CA9: variants seen among roughly 807,000 people sequenced by gnomAD.
CA9 encodes CA-IX.
In CA9, 43 loss-of-function variants were observed where a neutral mutation model predicts 51.8. The ratio of observed to expected loss-of-function variants is 0.83; its 90% confidence interval spans 0.65 to 1.07. The LOEUF (loss-of-function observed/expected upper bound fraction) is 1.07. Ranked by LOEUF, CA9 falls within the 50% of genes least tolerant of loss-of-function variation. The probability of loss-of-function intolerance (pLI) is 0.00; values close to 1 mark genes in which losing one functional copy is unlikely to be tolerated. For missense variants in CA9, 574 were observed against 581.4 expected (o/e 0.99, Z 0.13); for synonymous variants, 253 against 244.2 (o/e 1.04, Z -0.34).
chr9:35,675,370 T>A, intron 1 of CA9, 168 bp from the exon 2 acceptor site: 1 of 683,300 alleles, frequency 1.5e-6, no homozygotes, highest in Non-Finnish European at 2.6e-6. Context: ...CCCACCCAGC[T>A]GCGGTGTTGA....
Position 35,680,978 on chromosome 9 carries a change from G to A in CA9, c.1333G>A (p.Gly445Arg). Residue 445 changes from glycine (G) to arginine (R), a missense_variant, in exon 11 of 11, where the codon GGG becomes AGG. By Grantham distance (125) the Gly-to-Arg change is moderately radical. Coordinates refer to ENST00000378357, the MANE Select transcript of CA9 (RefSeq NM_001216.3). Reference sequence around the variant, plus strand: ...GTGTACACACAGAAGGGGAACCAAAGGGGGTGTGAGCTACCGCCCAGCAGA... The same window carrying A: ...GTGTACACACAGAAGGGGAACCAAAAGGGGTGTGAGCTACCGCCCAGCAGA... ...MRRQHRRGTK[G>R]GVSYRPAEVA... 1 of 1,614,076 alleles carries A rather than the reference G, an allele frequency of 6.2e-7. No homozygotes were observed. The highest frequency in any genetic ancestry group is 2.2e-5 in the East Asian group (1 of 44,892).
At chr9:35,679,143 G>A in intron 6 of CA9, 42 bp from the exon 7 acceptor site, 2 of 1,610,010 alleles carry the variant, frequency 1.2e-6, no homozygotes, top group South Asian at 1.1e-5. Flanking sequence ...GCTTTAAGGG[G>A]GTGCAATGTA....
At chr9:35,674,499 C>A (rs1279023331) in intron 1 of CA9, 137 bp downstream of exon 1, 11 of 709,266 alleles carry the variant, frequency 1.6e-5, no homozygotes, top group Non-Finnish European at 2.1e-5. Flanking sequence ...AGGTCCCATA[C>A]CAATATCCCC....
intron 5 of CA9, 81 bp from the exon 6 acceptor site, chr9:35,677,709 T>C (rs1824452095): frequency 9.3e-7 from 1 of 1,077,524 alleles, no homozygotes; most frequent in Non-Finnish European, 1.4e-6. Context: ...GAGAGGTCTA[T>C]GGGAACCCCC....
At position 35,677,861 on chromosome 9, in the gene CA9, G is replaced by C; in HGVS notation, c.907+5G>C. ...TGGAAGAAATCGCTGAGGAAGGTCA[G>C]TTTGTTGGTCTGGCCACTAATCTCT... On this transcript the variant is annotated splice_donor_5th_base_variant and intron_variant, in intron 6 of 10. Transcript: ENST00000378357. The C allele has an allele frequency of 6.2e-7, 1 of 1,613,604 alleles. No individual in the cohort carries two copies. The highest frequency in any genetic ancestry group is 1.1e-5 in the South Asian group (1 of 91,080).
In CA9 at chr9:35,676,193, G is replaced by A; in HGVS notation, c.734G>A (p.Arg245His). 2 of 1,611,926 alleles carry A rather than the reference G, an allele frequency of 1.2e-6. No homozygotes were observed. The highest frequency in any genetic ancestry group is 1.7e-4 in the Middle Eastern group (1 of 6,050). The stretch of plus-strand genomic sequence containing the variant: ...TCGGAGCACACTGTGGAAGGCCACC[G>A]TTTCCCTGCCGAGGTGAGCGCGGAG... ...PGSEHTVEGHRFPAEIHVVHL... is the reference protein window; with the variant it reads ...PGSEHTVEGHHFPAEIHVVHL... Residue 245 changes from arginine to histidine, a missense_variant, in exon 4 of 11, where the codon CGT (arginine) becomes CAT (histidine). Physicochemically the swap from Arg to His is conservative, Grantham distance 29. Coordinates refer to ENST00000378357, the MANE Select transcript of CA9 (RefSeq NM_001216.3).
chr9:35,677,474 A>G (rs1477324026), intron 5 of CA9, among the ~76,000 whole-genome samples: 1 of 145,718 alleles, frequency 6.9e-6, no homozygotes, highest in African/African-American at 2.5e-5. Flanking sequence ...CTGAGAGCCT[A>G]GTATCCTAAG....
In CA9 at chr9:35,674,004, G is replaced by A. The variant is rs974651488; in HGVS notation, c.45G>A (p.Pro15=). The change falls in exon 1 of 11, where the codon CCG becomes CCA. Residue 15 remains proline (P), a synonymous_variant. Transcript: ENST00000378357. ...CPSPWLPLLI[P]APAPGLTVQL... is the part of the protein sequence containing the mutation. ...GCCCCTGGCTCCCTCTGTTGATCCC[G>A]GCCCCTGCTCCAGGCCTCACTGTGC... is the stretch of plus-strand genomic sequence containing the variant. The A allele has an allele frequency of 1.7e-5, 28 of 1,612,250 alleles. No homozygotes were observed. The highest frequency in any genetic ancestry group is 4.0e-5 in the African/African-American group (3 of 74,906).
chr9:35,679,383 A>T (rs1478587510), intron 7 of CA9, 41 bp downstream of exon 7: 1 of 1,578,458 alleles, frequency 6.3e-7, no homozygotes, highest in Admixed American at 1.9e-5. Flanking sequence ...GTGCGGGGGA[A>T]AGAGGATGTA....
chr9:35,675,213 C>G (rs1824392671), intron 1 of CA9: 3 of 353,872 alleles, frequency 8.5e-6, no homozygotes, highest in Non-Finnish European at 1.0e-5. Flanking sequence ...AGGCTGGTCT[C>G]GAACTCCTGA....
rs1315063927 is a variant in CA9, at chr9:35,679,182, C to G, written c.908-3C>G. ...GAGACCCCAACATAGATCCTCTTCACAGGCTCAGAGACTCAGGTCCCAGGA... is the reference window on the plus strand; with the variant it reads ...GAGACCCCAACATAGATCCTCTTCAGAGGCTCAGAGACTCAGGTCCCAGGA... On this transcript the variant is annotated splice_polypyrimidine_tract_variant and splice_region_variant and intron_variant, in intron 6 of 10. Transcript: ENST00000378357. 1.9e-6 allele frequency: 3 copies of G among 1,614,092 alleles called. No individual in the cohort carries two copies. The East Asian group carries it at 6.7e-5, about 36-fold the overall frequency.
chr9:35,675,662 A>G lies in CA9; in HGVS notation c.433+95A>G. ...CCTGAACACTGGTCCCGGGCGTCCCACCCGCCGCCCACCGTCCCACCCCCT... is the reference window on the plus strand; with the variant it reads ...CCTGAACACTGGTCCCGGGCGTCCCGCCCGCCGCCCACCGTCCCACCCCCT... On this transcript the variant is annotated intron_variant, in intron 2 of 10. Transcript: ENST00000378357. 3.5e-6 allele frequency: 3 copies of G among 846,222 alleles called. No individual in the cohort carries two copies. The South Asian group carries it at 4.0e-5, about 11-fold the overall frequency. 52.4% of individuals were successfully genotyped at this position (846,222 alleles called of 1,614,324 possible).
In CA9 at chr9:35,679,346, G is replaced by A. The variant is rs773795178; in HGVS notation, c.1065+4G>A. 13 of 1,610,500 alleles carry A rather than the reference G, an allele frequency of 8.1e-6. No homozygotes were observed. In the Admixed American group the frequency reaches 8.5e-5, roughly 10 times the overall value. On this transcript the variant is annotated splice_donor_region_variant and intron_variant, in intron 7 of 10. Transcript: ENST00000378357. Reference sequence around the variant, plus strand: ...AGTGATGCTGAGTGCTAAGCAGGTGGGCCTGGGGTGTGTGTGGACACAGTG... The same window carrying A: ...AGTGATGCTGAGTGCTAAGCAGGTGAGCCTGGGGTGTGTGTGGACACAGTG...
At chr9:35,676,478 C>A in intron 5 of CA9, 89 bp downstream of exon 5, 1 of 1,042,796 alleles carries the variant, frequency 9.6e-7, no homozygotes, top group Non-Finnish European at 1.4e-6. Context: ...CCCATCCCAG[C>A]AAGCTCACTC....
In CA9 at chr9:35,674,203, G is replaced by A. The variant is rs773923872; in HGVS notation, c.244G>A (p.Asp82Asn). ...PREEDPPGEE[D>N]LPGEEDLPGE... ...AGAGGAGGATCCACCCGGAGAGGAGGATCTACCTGGAGAGGAGGATCTACC... is the reference window on the plus strand; with the variant it reads ...AGAGGAGGATCCACCCGGAGAGGAGAATCTACCTGGAGAGGAGGATCTACC... Residue 82 changes from aspartate (D) to asparagine (N), a missense_variant, in exon 1 of 11, where the codon GAT (aspartate) becomes AAT (asparagine). Asp to Asn is a conservative substitution (Grantham distance 23). Transcript: ENST00000378357. 6.6e-7 allele frequency: 1 copy of A among 1,513,426 alleles called. No individual in the cohort carries two copies. The highest frequency in any genetic ancestry group is 2.9e-5 in the East Asian group (1 of 34,488). 93.7% of individuals were successfully genotyped at this position (1,513,426 alleles called of 1,614,324 possible). A position where few individuals can be genotyped will look rare whatever the true frequency, so the allele number is the denominator to read the frequency against.
In CA9 at chr9:35,680,999, G is replaced by T; in HGVS notation, c.1354G>T (p.Ala452Ser). 1 of 1,614,036 alleles carries T rather than the reference G, an allele frequency of 6.2e-7. No individual in the cohort carries two copies. The highest frequency in any genetic ancestry group is 8.5e-7 in the Non-Finnish European group (1 of 1,180,008). Residue 452 changes from alanine to serine, a missense_variant, in exon 11 of 11, where the codon GCA (alanine) becomes TCA (serine). Physicochemically the swap from Ala to Ser is moderately conservative, Grantham distance 99. Transcript: ENST00000378357. ...CAAAGGGGGTGTGAGCTACCGCCCA[G>T]CAGAGGTAGCCGAGACTGGAGCCTA... ...GTKGGVSYRP[A>S]EVAETGA
In CA9 at chr9:35,681,025, G is replaced by C; in HGVS notation, c.1380G>C (p.Ter460TyrextTer15). The change falls in exon 11 of 11, where the codon TAG (stop) becomes TAC (tyrosine). Residue 460 changes from the stop codon to tyrosine, a stop_lost. Transcript: ENST00000378357. Reference protein sequence around the residue: ...RPAEVAETGA* With the variant: ...RPAEVAETGAY ...CAGAGGTAGCCGAGACTGGAGCCTA[G>C]AGGCTGGATCTTGGAGAATGTGAGA... 3 of 1,613,716 alleles carry C rather than the reference G, an allele frequency of 1.9e-6. No individual in the cohort carries two copies. The highest frequency in any genetic ancestry group is 2.5e-6 in the Non-Finnish European group (3 of 1,179,920).
At position 35,673,928 on chromosome 9, in the gene CA9, A is replaced by G. The variant is rs1300876637; in HGVS notation, c.-32A>G. The G allele has an allele frequency of 6.4e-7, 1 of 1,562,340 alleles. No individual in the cohort carries two copies. The highest frequency in any genetic ancestry group is 1.2e-5 in the South Asian group (1 of 82,274). ...TCCAATGCACGTACAGCCCGTACAC[A>G]CCGTGTGCTGGGACACCCCACAGTC... On this transcript the variant is annotated 5_prime_UTR_variant, in exon 1 of 11. Transcript: ENST00000378357.
intron 1 of CA9, 157 bp downstream of exon 1, chr9:35,674,519 C>G: frequency 1.6e-6 from 1 of 641,560 alleles, no homozygotes; most frequent in South Asian, 2.2e-5. Context: ...CATCCCCACT[C>G]TCGGAGGTAG....
Sources: gnomAD v4.1 joint callset for allele counts (sites outside exome capture counted in the v4.1 genomes callset) on GRCh38, gnomAD v4.1.1 for gene constraint, MANE v1.5 for transcripts, NCBI Gene and HGNC (gene_info 2026-07-23, HGNC 2026-07-21) for gene names.